VANGL1: variants seen among roughly 807,000 people sequenced by gnomAD.
The protein encoded by VANGL1 is VANGL planar cell polarity protein 1, also known as vang-like protein 1.
Under a neutral mutation model 48.4 loss-of-function variants are expected in VANGL1, and 18 were observed. That is an observed-to-expected ratio of 0.37 (90% CI 0.26 to 0.55). VANGL1 has a LOEUF of 0.55. Among genes scored for constraint, VANGL1 ranks in the 20% least tolerant of loss-of-function variants. The pLI is 0.81. For synonymous variants in VANGL1, 257 were observed against 261.8 expected, an observed-to-expected ratio of 0.98 and a Z score of 0.18; for missense variants, 667 against 675.8, an observed-to-expected ratio of 0.99 and a Z score of 0.14.
intron 4 of VANGL1, among the ~76,000 whole-genome samples, chr1:115,676,033 A>G (rs1653153030): frequency 6.6e-6 from 1 of 152,222 alleles, no homozygotes; most frequent in Admixed American, 6.5e-5. Context: ...GCTTATTATT[A>G]GTAATGCGAT....
intron 2 of VANGL1, among the ~76,000 whole-genome samples, chr1:115,657,813 T>C (rs1046824851): frequency 6.6e-6 from 1 of 152,212 alleles, no homozygotes; most frequent in Non-Finnish European, 1.5e-5. Flanking sequence ...TGACATCTAC[T>C]TGGCTTCTAG....
rs1054650695 is a variant in VANGL1 at position 115,693,988 on chromosome 1, A to C, written c.*2609A>C. On this transcript the variant is annotated 3_prime_UTR_variant, in exon 8 of 8. Transcript: ENST00000355485. Reference sequence around the variant, plus strand: ...ATTAAAATTAGAGCATTGAGTGTTAAAGAACTTAATGAGGAGTCTATATCT... The same window carrying C: ...ATTAAAATTAGAGCATTGAGTGTTACAGAACTTAATGAGGAGTCTATATCT... 2 of 152,210 alleles carry C rather than the reference A, an allele frequency of 1.3e-5. No homozygotes were observed. Among genetic ancestry groups the C allele is most frequent in the Non-Finnish European group, 2.9e-5 (2 of 68,032 alleles). 9.4% of individuals were successfully genotyped at this position (152,210 alleles called of 1,614,324 possible).
Position 115,659,498 on chromosome 1 carries a change from T to A in VANGL1, c.72-143T>A, listed in dbSNP as rs2101326939. 8.6e-6 allele frequency: 10 copies of A among 1,162,674 alleles called. 1 individual carries two copies. The South Asian group carries it at 1.3e-4, about 15-fold the overall frequency. 72.0% of individuals were successfully genotyped at this position (1,162,674 alleles called of 1,614,324 possible). A position where few individuals can be genotyped will look rare whatever the true frequency, so the allele number is the denominator to read the frequency against. On this transcript the variant is annotated intron_variant, in intron 2 of 7. Transcript: ENST00000355485. ...AAGTGTGGTGAAGATGGGTGGGTTTTGATGCTCTGTGTGTGTGTGTGTGTG... is the reference window on the plus strand; with the variant it reads ...AAGTGTGGTGAAGATGGGTGGGTTTAGATGCTCTGTGTGTGTGTGTGTGTG...
In VANGL1 at chr1:115,664,154, T is replaced by C. The variant is rs1367016891; in HGVS notation, c.698T>C (p.Ile233Thr). Reference protein sequence around the residue: ...AVSLVDALLFIHYLAIVLLEL... With the variant: ...AVSLVDALLFTHYLAIVLLEL... ...TCCCTTGTGGATGCCCTCCTCTTCA[T>C]CCATTACCTGGCCATCGTCCTGCTG... Residue 233 changes from isoleucine to threonine, a missense_variant, in exon 4 of 8, where the codon ATC becomes ACC. Transcript: ENST00000355485. 8 of 1,614,006 alleles carry C rather than the reference T, an allele frequency of 5.0e-6. No individual in the cohort carries two copies. Among genetic ancestry groups the C allele is most frequent in the Non-Finnish European group, 5.9e-6 (7 of 1,179,978 alleles).
intron 1 of VANGL1, among the ~76,000 whole-genome samples, chr1:115,647,127 C>T (rs745408061): frequency 4.6e-5 from 7 of 152,222 alleles, no homozygotes; most frequent in Admixed American, 1.3e-4. Context: ...AGGGAAGTGA[C>T]GTCTGCATTG....
intron 2 of VANGL1, among the ~76,000 whole-genome samples, chr1:115,655,106 G>A (rs746307322): frequency 2.2e-4 from 34 of 152,202 alleles, no homozygotes; most frequent in Admixed American, 1.6e-3. Context: ...GAGTCTGTGT[G>A]TCCTGCGCCC....
At chr1:115,679,842 G>T (rs1056253037) in intron 4 of VANGL1, among the ~76,000 whole-genome samples, 1 of 151,864 alleles carries the variant, frequency 6.6e-6, no homozygotes, top group African/African-American at 2.4e-5. Flanking sequence ...AGTGGAGGAG[G>T]GGGGATGAAG....
chr1:115,676,491 C>T (rs1244156104), intron 4 of VANGL1, among the ~76,000 whole-genome samples: 1 of 152,160 alleles, frequency 6.6e-6, no homozygotes, highest in African/African-American at 2.4e-5. Context: ...CATATAAGCT[C>T]GTGGTGGCTA....
intron 7 of VANGL1, among the ~76,000 whole-genome samples, chr1:115,689,518 T>A (rs1023680172): frequency 7.4e-6 from 1 of 135,642 alleles, no homozygotes; most frequent in African/African-American, 2.8e-5. Context: ...ATGCCTGTAA[T>A]CCCAGCTACT....
intron 4 of VANGL1, among the ~76,000 whole-genome samples, chr1:115,680,430 T>C (rs962898124): frequency 6.6e-6 from 1 of 152,182 alleles, no homozygotes; most frequent in Non-Finnish European, 1.5e-5. Context: ...AAATATGGAA[T>C]GACGAGTGAA....
intron 3 of VANGL1, among the ~76,000 whole-genome samples, chr1:115,663,096 T>C (rs1652629553): frequency 6.6e-6 from 1 of 152,066 alleles, no homozygotes; most frequent in South Asian, 2.1e-4. Flanking sequence ...CATAAAGAGA[T>C]TTTAAAATGT....
At chr1:115,673,621 A>G (rs987927481) in intron 4 of VANGL1, among the ~76,000 whole-genome samples, 7 of 119,588 alleles carry the variant, frequency 5.9e-5, no homozygotes, top group African/African-American at 1.0e-4. Flanking sequence ...TTTTTTTGAG[A>G]CAGAGTCTTA....
intron 7 of VANGL1, among the ~76,000 whole-genome samples, chr1:115,687,938 G>GTAGATAGATAGATAGATAGA (rs71096827): frequency 6.2e-5 from 7 of 112,650 alleles, no homozygotes; most frequent in Admixed American, 2.9e-4. Context: ...CATTCATTAG[G>GTAGATAGATAGATAGATAGA]TAGATAGATA....
chr1:115,682,339 A>G lies in VANGL1; in HGVS notation c.813-25A>G, dbSNP rs141991287. 3.0e-4 allele frequency: 484 copies of G among 1,613,592 alleles called. 1 individual carries two copies. In the African/African-American group the frequency reaches 5.8e-3, roughly 19 times the overall value. The stretch of plus-strand genomic sequence containing the variant: ...TGCTTCTTCAGTGAAAAAGCTTTGC[A>G]TTAATTTTGTTCTTTTTTTCTCAGT... On this transcript the variant is annotated intron_variant, in intron 4 of 7. Transcript: ENST00000355485.
At chr1:115,642,582 C>A (rs1354345715) in intron 1 of VANGL1, 1 of 152,268 alleles carries the variant, frequency 6.6e-6, no homozygotes, top group Non-Finnish European at 1.5e-5. Flanking sequence ...CCGGGCGCCG[C>A]CTGGCCCTTC....
chr1:115,684,831 A>AGG, intron 6 of VANGL1, among the ~76,000 whole-genome samples: 1 of 152,158 alleles, frequency 6.6e-6, no homozygotes, highest in East Asian at 1.9e-4. Flanking sequence ...CCTGTTTCCC[A>AGG]GGGGCTGCTG....
intron 4 of VANGL1, among the ~76,000 whole-genome samples, chr1:115,669,872 G>A (rs922373954): frequency 2.7e-4 from 41 of 152,198 alleles, no homozygotes; most frequent in African/African-American, 9.7e-4. Flanking sequence ...TGCTTTTCAA[G>A]CAATGGAAGT....
chr1:115,682,780 C>A (rs551837157), intron 5 of VANGL1, among the ~76,000 whole-genome samples: 1 of 152,286 alleles, frequency 6.6e-6, no homozygotes, highest in East Asian at 1.9e-4. Flanking sequence ...ATATTGGAAG[C>A]TGTTAGGAAA....
Position 115,651,304 on chromosome 1 carries a change from T to C in VANGL1, c.-110T>C, listed in dbSNP as rs1570737642. On this transcript the variant is annotated 5_prime_UTR_variant, in exon 2 of 8. Transcript: ENST00000355485. ...TTTGTTCCTGTTGAAGAGTGGCTCC[T>C]CTTCTAATTTCCAGACTCCTTGAGG... is the stretch of plus-strand genomic sequence containing the variant. 6 of 887,038 alleles carry C rather than the reference T, an allele frequency of 6.8e-6. No individual in the cohort carries two copies. 54.9% of individuals were successfully genotyped at this position (887,038 alleles called of 1,614,324 possible).
Sources: allele counts gnomAD v4.1 joint callset (sites outside exome capture counted in the v4.1 genomes callset), GRCh38; gene constraint gnomAD v4.1.1; transcripts MANE v1.5; gene names NCBI Gene and HGNC (gene_info 2026-07-23, HGNC 2026-07-21).